TIA1: variants seen among roughly 807,000 people sequenced by gnomAD.
The protein encoded by TIA1 is cytotoxic granule associated RNA binding protein TIA1.
In TIA1, 23 loss-of-function variants were observed where a neutral mutation model predicts 65.9. That is an observed-to-expected ratio of 0.35 (90% CI 0.25 to 0.49). The LOEUF (loss-of-function observed/expected upper bound fraction) is 0.49, where lower values mean the gene tolerates loss of function less well. Ranked by LOEUF, TIA1 falls within the 20% of genes least tolerant of loss-of-function variation. The pLI is 0.98. For missense variants in TIA1, 371 were observed against 477.9 expected (o/e 0.78, Z 2.09); for synonymous variants, 147 against 149.4 (o/e 0.98, Z 0.12).
chr2:70,222,359 A>G (rs375407161), intron 7 of TIA1, among the ~76,000 whole-genome samples: 4 of 152,210 alleles, frequency 2.6e-5, no homozygotes, highest in African/African-American at 9.6e-5. Context: ...CTCTGTACTC[A>G]CCTAAAGTGT....
chr2:70,231,920 C>T (rs1325809369), intron 2 of TIA1, among the ~76,000 whole-genome samples: 1 of 152,048 alleles, frequency 6.6e-6, no homozygotes, highest in African/African-American at 2.4e-5. Flanking sequence ...AATTATCTTC[C>T]CGCCAGGCGC....
chr2:70,220,850 G>C (rs928903261), intron 7 of TIA1, among the ~76,000 whole-genome samples: 10 of 151,600 alleles, frequency 6.6e-5, no homozygotes, highest in Admixed American at 4.6e-4. Flanking sequence ...GGGATGTGAG[G>C]ATAAACAGTG....
At chr2:70,227,921 G>A in intron 5 of TIA1, 99 bp from the exon 6 acceptor site, 2 of 741,978 alleles carry the variant, frequency 2.7e-6, no homozygotes, top group South Asian at 2.0e-5. Context: ...AAATGATTAT[G>A]GCTTATGATA....
At chr2:70,229,697 C>T (rs537629818) in intron 3 of TIA1, among the ~76,000 whole-genome samples, 3 of 152,170 alleles carry the variant, frequency 2.0e-5, no homozygotes, top group Non-Finnish European at 4.4e-5. Context: ...TCAGCACTTT[C>T]GGAGGCCAAG....
intron 12 of TIA1, among the ~76,000 whole-genome samples, chr2:70,214,101 T>C (rs1677524770): frequency 6.6e-6 from 1 of 152,156 alleles, no homozygotes; most frequent in African/African-American, 2.4e-5. Context: ...AAAAGCATAA[T>C]GAATACAACA....
intron 8 of TIA1, 81 bp downstream of exon 8, chr2:70,216,805 C>G (rs1032979078): frequency 6.2e-7 from 1 of 1,609,714 alleles, no homozygotes; most frequent in East Asian, 2.2e-5. Flanking sequence ...CAATAAGTCT[C>G]CGGGAACAGC....
At chr2:70,223,573 C>T (rs895988606) in intron 7 of TIA1, among the ~76,000 whole-genome samples, 4 of 151,862 alleles carry the variant, frequency 2.6e-5, no homozygotes, top group Non-Finnish European at 5.9e-5. Context: ...AGGCATGTGT[C>T]GCCATGCCTG....
In TIA1 at chr2:70,236,097, G is replaced by GT; in HGVS notation, c.104dup (p.Asn35LysfsTer12). On this transcript the variant is annotated frameshift_variant, in exon 2 of 13. Coordinates refer to ENST00000433529, the MANE Select transcript of TIA1 (RefSeq NM_022173.4). LOFTEE classifies it high-confidence loss of function. ...CCCTTACATCCATAATCATTTTGCA[G>GT]TTTTTACAAGGTCCAATCTGGCTAA... 6.2e-7 allele frequency: 1 copy of GT among 1,605,202 alleles called. No homozygotes were observed. The highest frequency in any genetic ancestry group is 8.5e-7 in the Non-Finnish European group (1 of 1,175,564).
intron 7 of TIA1, among the ~76,000 whole-genome samples, chr2:70,221,029 C>T (rs894158276): frequency 1.3e-5 from 2 of 151,950 alleles, no homozygotes; most frequent in South Asian, 2.1e-4. Context: ...ATTTTTGAGA[C>T]GGAGTCTCAC....
intron 11 of TIA1, chr2:70,215,015 C>A: frequency 4.7e-6 from 1 of 211,814 alleles, no homozygotes; most frequent in Non-Finnish European, 9.3e-6. Flanking sequence ...ATGCCAAGGC[C>A]ATAACTATAT....
chr2:70,232,240 G>GA (rs1296455805), intron 2 of TIA1, among the ~76,000 whole-genome samples: 1 of 135,856 alleles, frequency 7.4e-6, no homozygotes. Context: ...AAAGAAAAAA[G>GA]AAAAAAAATT....
intron 1 of TIA1, among the ~76,000 whole-genome samples, chr2:70,240,335 AAAT>A (rs1440954314): frequency 6.6e-6 from 1 of 152,264 alleles, no homozygotes; most frequent in Non-Finnish European, 1.5e-5. Flanking sequence ...GATATCAGGC[AAAT>A]AAAACAATTC....
At position 70,233,885 on chromosome 2, in the gene TIA1, A is replaced by G. The variant is rs138684426; in HGVS notation, c.123+2194T>C. Among the ~76,000 whole-genome samples, 797 of 152,326 alleles carry G rather than the reference A, an allele frequency of 5.2e-3. 3 individuals carry two copies. Among genetic ancestry groups the G allele is most frequent in the South Asian group, 0.016 (76 of 4,832 alleles). The stretch of plus-strand genomic sequence containing the variant: ...TAAATAAGAATCGAAGCATATATAC[A>G]TATTATCAGTCCAGGGAGCATAAAA... On this transcript the variant is annotated intron_variant, in intron 2 of 12. Coordinates refer to ENST00000433529, the MANE Select transcript of TIA1 (RefSeq NM_022173.4).
At chr2:70,240,668 A>C (rs1457766493) in intron 1 of TIA1, among the ~76,000 whole-genome samples, 1 of 152,186 alleles carries the variant, frequency 6.6e-6, no homozygotes, top group African/African-American at 2.4e-5. Flanking sequence ...CAGGAGTTAG[A>C]GACCAGCCTG....
chr2:70,216,116 A>G, intron 10 of TIA1, 92 bp downstream of exon 10: 1 of 1,129,014 alleles, frequency 8.9e-7, no homozygotes, highest in African/African-American at 1.6e-5. Context: ...TTCAAAAAAT[A>G]TTTTGGAGGA....
intron 2 of TIA1, among the ~76,000 whole-genome samples, chr2:70,232,513 C>A (rs1282347288): frequency 2.5e-5 from 3 of 120,564 alleles, no homozygotes; most frequent in African/African-American, 1.0e-4. Flanking sequence ...GCACTCCAGC[C>A]TGGGCAACAA....
chr2:70,231,635 C>G (rs930660177), intron 2 of TIA1, among the ~76,000 whole-genome samples: 25 of 152,240 alleles, frequency 1.6e-4, no homozygotes, highest in Middle Eastern at 3.4e-3. Flanking sequence ...TGACTGAACT[C>G]CTAAGTTCTG....
Position 70,210,020 on chromosome 2 carries a change from G to A in TIA1, c.*2699C>T. The A allele has an allele frequency of 6.9e-6, 2 of 287,878 alleles. No homozygotes were observed. The highest frequency in any genetic ancestry group is 1.3e-5 in the Non-Finnish European group (2 of 156,826). The allele number at this position is 287,878 out of a possible 1,614,324, so 17.8% of individuals were successfully genotyped here. On this transcript the variant is annotated 3_prime_UTR_variant, in exon 13 of 13. Transcript: ENST00000433529. ...GTATCAGCAAGGAAAATGAGACCCT[G>A]GTTTCATAATTAATTAAATCTGCAG...
At chr2:70,222,556 C>T (rs1348288095) in intron 7 of TIA1, among the ~76,000 whole-genome samples, 3 of 152,072 alleles carry the variant, frequency 2.0e-5, no homozygotes, top group South Asian at 2.1e-4. Flanking sequence ...GAGCCAAGCA[C>T]GTATCACAAA....
Sources: allele counts gnomAD v4.1 joint callset (sites outside exome capture counted in the v4.1 genomes callset), GRCh38; gene constraint gnomAD v4.1.1; transcripts MANE v1.5; gene names NCBI Gene and HGNC (gene_info 2026-07-23, HGNC 2026-07-21).